Variants in PHF24 observed in about 807,000 individuals in gnomAD.
PHF24 encodes Galpha inhibitory interacting protein.
PHF24 carries 25 observed loss-of-function variants against 42.6 expected under a neutral mutation model. The ratio of observed to expected loss-of-function variants is 0.59; its 90% CI spans 0.43 to 0.82. PHF24 has a LOEUF of 0.82. Ranked by LOEUF, PHF24 falls within the 40% of genes least tolerant of loss-of-function variation. The pLI is 0.00. For missense variants in PHF24, 470 were observed against 538.1 expected, an observed-to-expected ratio of 0.87 and a Z score of 1.25; for synonymous variants, 185 against 204.8, an observed-to-expected ratio of 0.90 and a Z score of 0.83.
At chr9:34,892,298 C>T in the PHF24 span, among the ~76,000 whole-genome samples, 2 of 152,180 alleles carry the variant, frequency 1.3e-5, no homozygotes, top group African/African-American at 4.8e-5. Flanking sequence ...TTAGGTGAAC[C>T]AGCTAGCCTC....
the PHF24 span, among the ~76,000 whole-genome samples, chr9:34,781,941 A>C: frequency 2.6e-5 from 4 of 152,226 alleles, no homozygotes; most frequent in African/African-American, 7.2e-5. Flanking sequence ...GGCTGAAATT[A>C]CATTCATTGT....
chr9:34,976,992 G>T (rs1827213872), intron 5 of PHF24, 91 bp from the exon 6 acceptor site: 1 of 1,413,132 alleles, frequency 7.1e-7, no homozygotes, highest in Non-Finnish European at 9.6e-7. Context: ...TCTAAGGGAG[G>T]TTGCAAAGGT....
chr9:34,868,579 A>G, the PHF24 span, among the ~76,000 whole-genome samples: 1 of 152,214 alleles, frequency 6.6e-6, no homozygotes, highest in Non-Finnish European at 1.5e-5. Flanking sequence ...CATATCAAGA[A>G]TCAAATGAAA....
the PHF24 span, among the ~76,000 whole-genome samples, chr9:34,855,271 A>C: frequency 6.6e-6 from 1 of 152,176 alleles, no homozygotes; most frequent in Non-Finnish European, 1.5e-5. Flanking sequence ...TAACCCATTT[A>C]CATTTAAGAT....
At chr9:34,681,788 G>A in the PHF24 span, among the ~76,000 whole-genome samples, 1 of 152,312 alleles carries the variant, frequency 6.6e-6, no homozygotes, top group Non-Finnish European at 1.5e-5. Context: ...TCCAGCCTGG[G>A]TGACAGAGTG....
chr9:34,925,282 A>C, the PHF24 span, among the ~76,000 whole-genome samples: 1 of 152,102 alleles, frequency 6.6e-6, no homozygotes, highest in East Asian at 1.9e-4. Context: ...TGTTTTTAGA[A>C]TTATTTGTCT....
At chr9:34,666,489 A>G in the PHF24 span, among the ~76,000 whole-genome samples, 1 of 151,804 alleles carries the variant, frequency 6.6e-6, no homozygotes, top group African/African-American at 2.4e-5. Flanking sequence ...GGCCTCGGCT[A>G]AGTCACTGAA....
At chr9:34,825,152 G>C in the PHF24 span, among the ~76,000 whole-genome samples, 144,914 of 151,774 alleles carry the variant, frequency 0.95, 69,347 homozygotes, top group Non-Finnish European at 0.99. Context: ...GTGTGTCTAC[G>C]TGGTTTGTTC....
At chr9:34,784,173 T>C in the PHF24 span, among the ~76,000 whole-genome samples, 3 of 152,218 alleles carry the variant, frequency 2.0e-5, no homozygotes, top group Admixed American at 2.0e-4. Context: ...ATAGGCTTGC[T>C]GCTAGAGCTG....
At chr9:34,972,402 C>T in exon 3 of PHF24, 1 of 1,614,088 alleles carries the variant, frequency 6.2e-7, no homozygotes, top group Non-Finnish European at 8.5e-7. Context: ...AGAGCCTCTT[C>T]CCGTGCAGGG....
the PHF24 span, among the ~76,000 whole-genome samples, chr9:34,785,206 G>T: frequency 6.6e-6 from 1 of 152,200 alleles, no homozygotes; most frequent in Non-Finnish European, 1.5e-5. Context: ...GCATCTTGCT[G>T]TGTGCTCCAG....
chr9:34,907,744 G>A, the PHF24 span, among the ~76,000 whole-genome samples: 1 of 151,830 alleles, frequency 6.6e-6, no homozygotes, highest in African/African-American at 2.4e-5. Context: ...GATTGTCTTT[G>A]TTTAGTTTTT....
the PHF24 span, among the ~76,000 whole-genome samples, chr9:34,756,675 G>C: frequency 6.6e-6 from 1 of 152,178 alleles, no homozygotes; most frequent in East Asian, 1.9e-4. Flanking sequence ...TTTTTGCTCA[G>C]GATTGATTTT....
chr9:34,689,498 T>C, the PHF24 span: 1 of 308,596 alleles, frequency 3.2e-6, no homozygotes, highest in African/African-American at 2.2e-5. This position sits in a 1 kb window ranked among gnomAD's most constrained non-coding sequence, Gnocchi z 4.1. Context: ...GTGCCTTTTT[T>C]TTTTTTTTTA....
chr9:34,773,718 C>G, the PHF24 span, among the ~76,000 whole-genome samples: 1 of 152,076 alleles, frequency 6.6e-6, no homozygotes, highest in African/African-American at 2.4e-5. Flanking sequence ...AACCCATAAC[C>G]CCAGTCTAAT....
chr9:34,944,020 A>T, the PHF24 span, among the ~76,000 whole-genome samples: 1 of 152,214 alleles, frequency 6.6e-6, no homozygotes, highest in African/African-American at 2.4e-5. Context: ...AGCCTGCATA[A>T]TATAGCTATT....
chr9:34,874,868 G>GT, the PHF24 span, among the ~76,000 whole-genome samples: 1 of 152,062 alleles, frequency 6.6e-6, no homozygotes, highest in Non-Finnish European at 1.5e-5. Context: ...TACTTGAGAT[G>GT]TTTTCATACA....
At chr9:34,731,353 C>T in the PHF24 span, among the ~76,000 whole-genome samples, 1 of 152,170 alleles carries the variant, frequency 6.6e-6, no homozygotes, top group Non-Finnish European at 1.5e-5. Context: ...CCCTGTTGTG[C>T]TATCAAATAC....
the PHF24 span, among the ~76,000 whole-genome samples, chr9:34,910,190 A>G: frequency 6.6e-6 from 1 of 152,160 alleles, no homozygotes; most frequent in Non-Finnish European, 1.5e-5. Flanking sequence ...AAGGAATATA[A>G]TTAGTCTTCT....
Sources: allele counts gnomAD v4.1 joint callset (sites outside exome capture counted in the v4.1 genomes callset), GRCh38; gene constraint gnomAD v4.1.1; non-coding constraint Gnocchi (gnomAD v3.1); transcripts MANE v1.5; gene names NCBI Gene and HGNC (gene_info 2026-07-23, HGNC 2026-07-21).